The following ABCB1 variants were observed in gnomAD, a reference collection of about 807,000 sequenced individuals.
ABCB1 encodes the protein ATP binding cassette subfamily B member 1.
ABCB1 carries 69 observed loss-of-function variants against 142.0 expected under a neutral mutation model. The ratio of observed to expected loss-of-function variants is 0.49; its 90% CI spans 0.40 to 0.59. The LOEUF (loss-of-function observed/expected upper bound fraction) is 0.59. Among genes scored for constraint, ABCB1 ranks in the 20% least tolerant of loss-of-function variants. The pLI is 0.00. For synonymous variants in ABCB1, 532 were observed against 539.2 expected, an observed-to-expected ratio of 0.99 and a Z score of 0.18; for missense variants, 1,326 against 1,554.7, an observed-to-expected ratio of 0.85 and a Z score of 2.47.
chr7:87,674,061 A>G (rs1362609128), intron 1 of ABCB1, among the ~76,000 whole-genome samples: 1 of 152,068 alleles, frequency 6.6e-6, no homozygotes, highest in African/African-American at 2.4e-5. Flanking sequence ...CTGGCCCCTC[A>G]AGGTTAGGAA....
chr7:87,572,692 A>G (rs565331402), intron 4 of ABCB1, among the ~76,000 whole-genome samples: 18 of 152,360 alleles, frequency 1.2e-4, no homozygotes, highest in African/African-American at 4.1e-4. Flanking sequence ...TGTGGTACAT[A>G]GATGCCATGG....
intron 1 of ABCB1, chr7:87,627,406 T>C (rs1053294200): frequency 6.6e-6 from 1 of 152,248 alleles, no homozygotes; most frequent in Non-Finnish European, 1.5e-5. Context: ...GTAAAAATTA[T>C]GTCAAATGTG....
chr7:87,661,964 A>G lies in ABCB1; in HGVS notation c.-331+51197T>C, dbSNP rs116996549. 4.0e-3 allele frequency among the ~76,000 whole-genome samples: 603 copies of G among 152,264 alleles called. 1 individual carries two copies. The highest frequency in any genetic ancestry group is 6.9e-3 in the Non-Finnish European group (467 of 67,990). On this transcript the variant is annotated intron_variant, in intron 1 of 28. Coordinates refer to the ABCB1 transcript ENST00000265724. ...GCCATTTTAACTGGAGTGAAATAAT[A>G]TATCATTGTACTTTTGATTTGCATT...
intron 7 of ABCB1, 50 bp from the exon 8 acceptor site, chr7:87,561,437 CT>C (rs1563053204): frequency 6.5e-7 from 1 of 1,533,194 alleles, no homozygotes; most frequent in African/African-American, 1.4e-5. Context: ...TTAATTTTAT[CT>C]TTTGTAAAGT....
intron 1 of ABCB1, among the ~76,000 whole-genome samples, chr7:87,667,786 T>C (rs1825410747): frequency 6.6e-6 from 1 of 152,148 alleles, no homozygotes; most frequent in Admixed American, 6.6e-5. Context: ...ATGAATCATG[T>C]TTATTGATTT....
At chr7:87,708,496 T>G (rs1045521881) in intron 1 of ABCB1, among the ~76,000 whole-genome samples, 1 of 152,178 alleles carries the variant, frequency 6.6e-6, no homozygotes, top group Non-Finnish European at 1.5e-5. Flanking sequence ...AAATGTAATC[T>G]ATAGTTAAAA....
intron 1 of ABCB1, among the ~76,000 whole-genome samples, chr7:87,609,288 T>A (rs1314025766): frequency 6.6e-6 from 1 of 152,176 alleles, no homozygotes. Context: ...ATGAATATAT[T>A]GGAGATCCTC....
intron 21 of ABCB1, chr7:87,521,487 G>A: frequency 1.3e-6 from 1 of 743,756 alleles, no homozygotes; most frequent in South Asian, 1.4e-5. Flanking sequence ...CTCCTAATGA[G>A]CCCAAACAGC....
chr7:87,599,147 G>A (rs944370476), intron 2 of ABCB1, among the ~76,000 whole-genome samples: 10 of 151,846 alleles, frequency 6.6e-5, no homozygotes, highest in Non-Finnish European at 2.9e-5. Flanking sequence ...ATATTAATGT[G>A]TTTACTAATT....
chr7:87,550,690 TTAGA>T (rs763692744), intron 10 of ABCB1, 31 bp downstream of exon 10: 1 of 1,562,912 alleles, frequency 6.4e-7, no homozygotes, highest in Non-Finnish European at 8.8e-7. Context: ...GGACAATCTT[TTAGA>T]TAGGTGGATA....
intron 21 of ABCB1, among the ~76,000 whole-genome samples, chr7:87,531,003 G>A (rs981156029): frequency 1.3e-5 from 2 of 151,944 alleles, no homozygotes; most frequent in Non-Finnish European, 2.9e-5. Context: ...AAAGAAAGAA[G>A]AAAATAACTA....
At chr7:87,627,612 C>G (rs1820742577) in intron 1 of ABCB1, 1 of 152,248 alleles carries the variant, frequency 6.6e-6, no homozygotes, top group Non-Finnish European at 1.5e-5. Flanking sequence ...GCAGGTAAAA[C>G]GGTGGGTAGT....
intron 25 of ABCB1, among the ~76,000 whole-genome samples, chr7:87,511,712 C>G (rs1325988204): frequency 1.3e-5 from 2 of 152,216 alleles, no homozygotes; most frequent in Non-Finnish European, 2.9e-5. Flanking sequence ...TCTAAACACT[C>G]TAGGTTGGGT....
At chr7:87,551,533 C>T (rs777886056) in intron 9 of ABCB1, among the ~76,000 whole-genome samples, 52 of 152,072 alleles carry the variant, frequency 3.4e-4, no homozygotes, top group Non-Finnish European at 5.9e-4. Context: ...GCTTTGTTGC[C>T]CAGCCTGGAC....
chr7:87,515,497 C>T, intron 24 of ABCB1, 69 bp from the exon 25 acceptor site: 2 of 1,401,044 alleles, frequency 1.4e-6, no homozygotes, highest in Non-Finnish European at 2.0e-6. Flanking sequence ...AGCTAACTCT[C>T]TCGATTACCA....
chr7:87,656,354 A>G (rs1317049132), intron 1 of ABCB1, among the ~76,000 whole-genome samples: 1 of 152,144 alleles, frequency 6.6e-6, no homozygotes, highest in Non-Finnish European at 1.5e-5. Context: ...AAGCTAGACA[A>G]TACGGTATGC....
At position 87,531,347 on chromosome 7, in the gene ABCB1, T is replaced by C; in HGVS notation, c.2632A>G (p.Met878Val). 6.2e-7 allele frequency: 1 copy of C among 1,613,504 alleles called. No homozygotes were observed. The highest frequency in any genetic ancestry group is 8.5e-7 in the Non-Finnish European group (1 of 1,179,680). ...IAIAGVVEMKMLSGQALKDKK... is the reference protein window; with the variant it reads ...IAIAGVVEMKVLSGQALKDKK... ...TCTTTCAGTGCTTGTCCAGACAACA[T>C]TTTCATTTCAACAACTCCTGCTATT... The change falls in exon 21 of 28, where the codon ATG (methionine) becomes GTG (valine). Residue 878 changes from methionine to valine, a missense_variant. Physicochemically the swap from Met to Val is conservative, Grantham distance 21 (BLOSUM62 1). Coordinates refer to ENST00000622132, the MANE Select transcript of ABCB1 (RefSeq NM_001348946.2).
intron 26 of ABCB1, 114 bp from the exon 27 acceptor site, chr7:87,506,157 G>T: frequency 9.5e-7 from 1 of 1,047,656 alleles, no homozygotes; most frequent in Non-Finnish European, 1.4e-6. Context: ...AGGTTCAGAA[G>T]CTAAGAATGG....
chr7:87,703,073 A>G (rs1242575546), intron 1 of ABCB1, among the ~76,000 whole-genome samples: 2 of 152,202 alleles, frequency 1.3e-5, no homozygotes, highest in African/African-American at 4.8e-5. Flanking sequence ...AGAATGAAAC[A>G]TTAAGTAGAA....
Sources: gnomAD v4.1 joint callset for allele counts (sites outside exome capture counted in the v4.1 genomes callset) on GRCh38, gnomAD v4.1.1 for gene constraint, MANE v1.5 for transcripts, NCBI Gene and HGNC (gene_info 2026-07-23, HGNC 2026-07-21) for gene names.